The following GLRA1 variants were observed in gnomAD, a reference collection of about 807,000 sequenced individuals.
GLRA1 encodes glycine receptor subunit alpha-1.
GLRA1 carries 37 observed loss-of-function variants against 48.3 expected under a neutral mutation model. The observed-to-expected ratio is 0.77, with a 90% CI of 0.59 to 1.01. The LOEUF (loss-of-function observed/expected upper bound fraction) is 1.01, where lower values mean the gene tolerates loss of function less well. GLRA1 is among the 50% of genes least tolerant of loss of function. The probability of loss-of-function intolerance (pLI) is 0.00; values close to 1 mark genes in which losing one functional copy is unlikely to be tolerated. For synonymous variants in GLRA1, 196 were observed against 210.7 expected (o/e 0.93, Z 0.60); for missense variants, 427 against 571.0 (o/e 0.75, Z 2.57).
chr5:151,894,370 T>C (rs940012851), intron 1 of GLRA1, among the ~76,000 whole-genome samples: 6 of 152,180 alleles, frequency 3.9e-5, no homozygotes, highest in Non-Finnish European at 7.4e-5. Flanking sequence ...TTGCAAACAT[T>C]TGTGGGATGC....
At chr5:151,876,355 C>G (rs1753628774) in intron 3 of GLRA1, among the ~76,000 whole-genome samples, 1 of 152,070 alleles carries the variant, frequency 6.6e-6, no homozygotes, top group South Asian at 2.1e-4. Flanking sequence ...TGGGGAGTAC[C>G]ATGACCAGAT....
chr5:151,857,012 G>A (rs1753063774), intron 4 of GLRA1, among the ~76,000 whole-genome samples: 1 of 152,220 alleles, frequency 6.6e-6, no homozygotes. Flanking sequence ...CCTTGGAGGT[G>A]CAGATGAGCT....
intron 3 of GLRA1, among the ~76,000 whole-genome samples, chr5:151,883,618 G>A (rs1753822325): frequency 6.6e-6 from 1 of 152,240 alleles, no homozygotes; most frequent in Non-Finnish European, 1.5e-5. Context: ...ATGTGAAAAT[G>A]TGCTGAAAAT....
chr5:151,849,411 C>A (rs796778421), intron 7 of GLRA1, among the ~76,000 whole-genome samples: 6,507 of 22,556 alleles, frequency 0.29, 665 homozygotes, highest in Non-Finnish European at 0.31. Flanking sequence ...CTTTCCTTTC[C>A]TTTCCTTTCC....
chr5:151,889,698 C>T (rs1395245821), intron 2 of GLRA1, among the ~76,000 whole-genome samples: 1 of 151,830 alleles, frequency 6.6e-6, no homozygotes, highest in African/African-American at 2.4e-5. Flanking sequence ...TCATAGGGGC[C>T]CTGATCCTCA....
At chr5:151,866,682 G>T (rs1326450353) in intron 3 of GLRA1, among the ~76,000 whole-genome samples, 2 of 152,050 alleles carry the variant, frequency 1.3e-5, no homozygotes, top group African/African-American at 4.8e-5. Flanking sequence ...GGCTGATTGG[G>T]AGTACAGTTG....
chr5:151,849,909 AT>A (rs1752855425), intron 7 of GLRA1: 1 of 1,530,416 alleles, frequency 6.5e-7, no homozygotes, highest in Non-Finnish European at 8.8e-7. Flanking sequence ...AGTGACATGC[AT>A]TTCATGCCTC....
intron 8 of GLRA1, among the ~76,000 whole-genome samples, chr5:151,827,097 G>T (rs1763293525): frequency 6.9e-6 from 1 of 145,618 alleles, no homozygotes; most frequent in South Asian, 2.2e-4. Flanking sequence ...CTGGGCTAAA[G>T]CAATCCTCTC....
chr5:151,872,820 A>G lies in GLRA1; in HGVS notation c.253-12812T>C, dbSNP rs1035605134. On this transcript the variant is annotated intron_variant, in intron 3 of 8. Transcript: ENST00000274576. ...TGGGATTGTGTAGAGAGTTAAAAAC[A>G]GTAAGGTAGATCTATATGTAGCCAT... Among the ~76,000 whole-genome samples the G allele has an allele frequency of 1.0e-4, 15 of 149,966 alleles. 2 individuals carry two copies. The highest frequency in any genetic ancestry group is 3.8e-4 in the African/African-American group (15 of 39,266).
rs1752860015 is a variant in GLRA1 at position 151,850,058 on chromosome 5, A to G, written c.912+1332T>C. 3.7e-6 allele frequency: 6 copies of G among 1,603,630 alleles called. 1 individual carries two copies. In the South Asian group the frequency reaches 5.5e-5, roughly 15 times the overall value. ...ATAATGGACATGGTGAGCAACCAGC[A>G]CCCTGGTTTGGCATGGAGCAGGAAT... is the stretch of plus-strand genomic sequence containing the variant. On this transcript the variant is annotated intron_variant, in intron 7 of 8. Transcript: ENST00000274576.
At chr5:151,896,287 G>T (rs535882340) in intron 1 of GLRA1, among the ~76,000 whole-genome samples, 1 of 152,196 alleles carries the variant, frequency 6.6e-6, no homozygotes, top group Non-Finnish European at 1.5e-5. Flanking sequence ...ACCCCAGGGG[G>T]TCAAGTAACT....
At chr5:151,879,337 T>TTTA (rs1753703832) in intron 3 of GLRA1, among the ~76,000 whole-genome samples, 2 of 151,800 alleles carry the variant, frequency 1.3e-5, no homozygotes, top group Admixed American at 1.3e-4. Context: ...TCCTTTTTTT[T>TTTA]TTCAGATTTT....
At chr5:151,849,672 C>A (rs1581614994) in intron 7 of GLRA1, 1 of 207,024 alleles carries the variant, frequency 4.8e-6, no homozygotes, top group East Asian at 1.4e-4. Context: ...CCTGCCTCAG[C>A]CTCACGAGTA....
Position 151,878,680 on chromosome 5 carries a change from A to G in GLRA1, c.252+8041T>C, listed in dbSNP as rs1753686683. Among the ~76,000 whole-genome samples, 4 of 152,292 alleles carry G rather than the reference A, an allele frequency of 2.6e-5. No homozygotes were observed. In the Middle Eastern group the frequency reaches 0.01, roughly 389 times the overall value. ...TCCAGCCATGACTAAAAGGTGCCAA[A>G]GTACAATTCAGGTTGTTTCTTCAGA... is the stretch of plus-strand genomic sequence containing the variant. On this transcript the variant is annotated intron_variant, in intron 3 of 8. Transcript: ENST00000274576.
intron 7 of GLRA1, chr5:151,849,957 CA>C: frequency 1.2e-5 from 19 of 1,585,386 alleles, no homozygotes; most frequent in Non-Finnish European, 1.6e-5. Context: ...AAGGACCCTA[CA>C]AGCTGGTGTT....
chr5:151,850,195 AC>A, intron 7 of GLRA1: 3 of 1,603,644 alleles, frequency 1.9e-6, no homozygotes, highest in Non-Finnish European at 2.6e-6. Context: ...CATGGCAGGG[AC>A]ATCGTGGAGG....
At chr5:151,914,980 A>C (rs1474132769) in intron 1 of GLRA1, among the ~76,000 whole-genome samples, 1 of 152,150 alleles carries the variant, frequency 6.6e-6, no homozygotes, top group Non-Finnish European at 1.5e-5. Flanking sequence ...GTGGCAGGGT[A>C]ATGGTGAAAG....
intron 1 of GLRA1, among the ~76,000 whole-genome samples, chr5:151,904,109 C>A (rs575734738): frequency 6.6e-6 from 1 of 152,272 alleles, no homozygotes; most frequent in Non-Finnish European, 1.5e-5. Context: ...TGGGACTTAA[C>A]GAGATGGAAG....
chr5:151,864,781 G>A (rs1753289991), intron 3 of GLRA1, among the ~76,000 whole-genome samples: 1 of 152,110 alleles, frequency 6.6e-6, no homozygotes, highest in African/African-American at 2.4e-5. Context: ...AGCAATCTTA[G>A]TGGATGAACC....
Sources: allele counts gnomAD v4.1 joint callset (sites outside exome capture counted in the v4.1 genomes callset), GRCh38; gene constraint gnomAD v4.1.1; transcripts MANE v1.5; gene names NCBI Gene and HGNC (gene_info 2026-07-23, HGNC 2026-07-21).